Variants in ADAMTSL1 observed in about 807,000 individuals in gnomAD.
The protein encoded by ADAMTSL1 is ADAMTS like 1.
In ADAMTSL1, 126 loss-of-function variants were observed where a neutral mutation model predicts 201.8. The ratio of observed to expected loss-of-function variants is 0.62; its 90% CI spans 0.54 to 0.72. ADAMTSL1 has a LOEUF of 0.72. Ranked by LOEUF, ADAMTSL1 falls within the 30% of genes least tolerant of loss-of-function variation. The pLI is 0.00. For synonymous variants in ADAMTSL1, 1,121 were observed against 903.4 expected, an observed-to-expected ratio of 1.24 and a Z score of -4.32; for missense variants, 2,679 against 2,277.8, an observed-to-expected ratio of 1.18 and a Z score of -3.59.
intron 1 of ADAMTSL1, among the ~76,000 whole-genome samples, chr9:18,110,808 G>A (rs771692910): frequency 1.3e-5 from 2 of 152,084 alleles, no homozygotes; most frequent in Non-Finnish European, 2.9e-5. Context: ...CTACTTATAA[G>A]TAATAGTTAA....
At chr9:18,675,726 G>A in intron 9 of ADAMTSL1, 131 bp from the exon 10 acceptor site, 1 of 812,276 alleles carries the variant, frequency 1.2e-6, no homozygotes, top group Non-Finnish European at 2.0e-6. Flanking sequence ...CTGTTTTAGT[G>A]TTGTTTTATA....
chr9:18,075,282 T>G (rs1586990537), intron 1 of ADAMTSL1, among the ~76,000 whole-genome samples: 1 of 152,326 alleles, frequency 6.6e-6, no homozygotes, highest in East Asian at 1.9e-4. Context: ...TTCTATAACA[T>G]AAAGAAGTGT....
intron 2 of ADAMTSL1, among the ~76,000 whole-genome samples, chr9:18,390,208 G>A (rs17792440): frequency 0.083 from 12,548 of 152,056 alleles, 702 homozygotes; most frequent in Middle Eastern, 0.14. Flanking sequence ...TACGAGATTC[G>A]TAGTGTCCAT....
chr9:18,140,620 G>C (rs1826359454), intron 1 of ADAMTSL1, among the ~76,000 whole-genome samples: 1 of 152,194 alleles, frequency 6.6e-6, no homozygotes, highest in Non-Finnish European at 1.5e-5. Flanking sequence ...AAGGAAAGGA[G>C]GTGTTCCATA....
At chr9:18,002,998 A>G (rs756649720) in intron 1 of ADAMTSL1, among the ~76,000 whole-genome samples, 3 of 152,030 alleles carry the variant, frequency 2.0e-5, no homozygotes, top group Non-Finnish European at 4.4e-5. Flanking sequence ...GCTCATCATC[A>G]CATAACCTGT....
intron 2 of ADAMTSL1, among the ~76,000 whole-genome samples, chr9:18,333,148 T>G (rs188261572): frequency 6.6e-6 from 1 of 152,322 alleles, no homozygotes; most frequent in African/African-American, 2.4e-5. Context: ...ATTATTATTT[T>G]TATTTTTTTA....
intron 2 of ADAMTSL1, among the ~76,000 whole-genome samples, chr9:18,336,041 A>C (rs553444190): frequency 6.6e-6 from 1 of 152,276 alleles, no homozygotes; most frequent in South Asian, 2.1e-4. Flanking sequence ...GAAGATGAGT[A>C]AACAAGTTCA....
intron 2 of ADAMTSL1, among the ~76,000 whole-genome samples, chr9:18,343,335 T>A (rs763217915): frequency 6.6e-6 from 1 of 152,088 alleles, no homozygotes; most frequent in Non-Finnish European, 1.5e-5. Context: ...TGTGCTTTCC[T>A]TTTCACCCTC....
At chr9:18,171,807 T>C (rs1271047704) in intron 2 of ADAMTSL1, among the ~76,000 whole-genome samples, 2 of 152,102 alleles carry the variant, frequency 1.3e-5, no homozygotes, top group African/African-American at 4.8e-5. Flanking sequence ...GTTTTTATGG[T>C]TTTAGGTCTT....
intron 1 of ADAMTSL1, among the ~76,000 whole-genome samples, chr9:17,919,229 T>C (rs1826214255): frequency 6.6e-6 from 1 of 151,812 alleles, no homozygotes; most frequent in African/African-American, 2.4e-5. Flanking sequence ...AAGTAGTACA[T>C]TATTATTATT....
chr9:18,834,967 C>G (rs1825221669), intron 23 of ADAMTSL1, among the ~76,000 whole-genome samples: 1 of 152,132 alleles, frequency 6.6e-6, no homozygotes. Flanking sequence ...AGTTTCATTT[C>G]TCTTGGTTAA....
intron 13 of ADAMTSL1, among the ~76,000 whole-genome samples, chr9:18,688,735 C>G (rs560829149): frequency 4.5e-5 from 5 of 112,264 alleles, no homozygotes; most frequent in East Asian, 5.5e-4. Context: ...TGCCTAATCT[C>G]CTGGGAATGC....
chr9:18,370,949 T>C lies in ADAMTSL1; in HGVS notation c.208-133880T>C, dbSNP rs186339008. On this transcript the variant is annotated intron_variant, in intron 2 of 29. Coordinates refer to the ADAMTSL1 transcript ENST00000680146. The stretch of plus-strand genomic sequence containing the variant: ...GTAGTCATTTTAAATTATATTGCCT[T>C]TTGGTCTGATTGTTACAAGACGCTG... Among the ~76,000 whole-genome samples the C allele has an allele frequency of 5.2e-3, 789 of 152,288 alleles. 12 individuals are homozygous for C. The highest frequency in any genetic ancestry group is 0.027 in the Middle Eastern group (8 of 294).
chr9:18,489,539 C>A (rs1202915301), intron 1 of ADAMTSL1, among the ~76,000 whole-genome samples: 1 of 152,140 alleles, frequency 6.6e-6, no homozygotes, highest in Non-Finnish European at 1.5e-5. Context: ...AAAATAGGAA[C>A]CATGAACATG....
At chr9:18,540,528 G>A (rs1274302245) in intron 3 of ADAMTSL1, among the ~76,000 whole-genome samples, 7 of 152,092 alleles carry the variant, frequency 4.6e-5, no homozygotes, top group Admixed American at 1.3e-4. Context: ...GGGCCTGTGG[G>A]TCATTTTATC....
chr9:18,526,288 C>A (rs747171533), intron 2 of ADAMTSL1, among the ~76,000 whole-genome samples: 1 of 152,036 alleles, frequency 6.6e-6, no homozygotes, highest in Non-Finnish European at 1.5e-5. Flanking sequence ...TTCCATTTGC[C>A]GCGTAGATCT....
chr9:18,731,451 T>C lies in ADAMTSL1; in HGVS notation c.2006+9786T>C, dbSNP rs535681208. ...TTTGAGACCAGCCTGGACAACATTG[T>C]GAAACCCTGTCTCTACAAAAAATAC... On this transcript the variant is annotated intron_variant, in intron 15 of 28. Transcript: ENST00000380548. Among the ~76,000 whole-genome samples the C allele has an allele frequency of 1.4e-3, 208 of 151,872 alleles. 1 individual carries two copies. Among genetic ancestry groups the C allele is most frequent in the African/African-American group, 4.9e-3 (202 of 41,388 alleles).
At chr9:18,630,112 G>C (rs1040561510) in intron 5 of ADAMTSL1, among the ~76,000 whole-genome samples, 3 of 152,138 alleles carry the variant, frequency 2.0e-5, no homozygotes, top group African/African-American at 7.2e-5. Context: ...TGTTCTGGGA[G>C]CAGTTAAGTT....
chr9:18,652,231 G>A (rs1419442320), intron 7 of ADAMTSL1, among the ~76,000 whole-genome samples: 2 of 151,928 alleles, frequency 1.3e-5, no homozygotes, highest in African/African-American at 4.8e-5. Flanking sequence ...AATTGGCTGG[G>A]CGTGGTGGCA....
Sources: gnomAD v4.1 joint callset for allele counts (sites outside exome capture counted in the v4.1 genomes callset) on GRCh38, gnomAD v4.1.1 for gene constraint, MANE v1.5 for transcripts, NCBI Gene and HGNC (gene_info 2026-07-23, HGNC 2026-07-21) for gene names.